Variants in CA10 observed in about 807,000 individuals in gnomAD.
The protein encoded by CA10 is carbonic anhydrase 10 (inactive), also known as carbonic anhydrase-related protein 10.
Under a neutral mutation model 44.2 loss-of-function variants are expected in CA10, and 14 were observed. The ratio of observed to expected loss-of-function variants is 0.32; its 90% CI spans 0.21 to 0.50. CA10 has a LOEUF of 0.50. Among genes scored for constraint, CA10 ranks in the 20% least tolerant of loss-of-function variants. The pLI, the probability that CA10 is intolerant of heterozygous loss-of-function variation, is 0.99. For missense variants in CA10, 350 were observed against 409.7 expected (o/e 0.85, Z 1.26); for synonymous variants, 159 against 141.6 (o/e 1.12, Z -0.87).
intron 1 of CA10, among the ~76,000 whole-genome samples, chr17:52,103,575 G>T (rs147622245): frequency 3.2e-4 from 48 of 152,276 alleles, no homozygotes; most frequent in African/African-American, 1.1e-3. Context: ...TTAAATTAGG[G>T]AAACTCAACA....
chr17:52,028,528 G>A (rs1033582166), intron 2 of CA10, among the ~76,000 whole-genome samples: 1 of 152,144 alleles, frequency 6.6e-6, no homozygotes, highest in Non-Finnish European at 1.5e-5. Context: ...AGTGAGGTAC[G>A]ACTGAAGTTT....
At chr17:52,134,235 C>T (rs1989302028) in intron 1 of CA10, among the ~76,000 whole-genome samples, 1 of 152,216 alleles carries the variant, frequency 6.6e-6, no homozygotes, top group Non-Finnish European at 1.5e-5. Flanking sequence ...TCAACTTCTT[C>T]AAGAAATAAT....
At chr17:51,685,424 C>T (rs1187427327) in intron 4 of CA10, among the ~76,000 whole-genome samples, 1 of 152,144 alleles carries the variant, frequency 6.6e-6, no homozygotes, top group East Asian at 1.9e-4. Flanking sequence ...GTGTCTCCTC[C>T]TACCTCTGCA....
At chr17:51,874,955 T>TC (rs1555607994) in intron 3 of CA10, among the ~76,000 whole-genome samples, 2 of 82,838 alleles carry the variant, frequency 2.4e-5, no homozygotes, top group Admixed American at 2.5e-4. Flanking sequence ...CTTCTGTTTT[T>TC]TTTTCTTTTT....
chr17:51,823,154 G>A (rs1462796197), intron 3 of CA10, among the ~76,000 whole-genome samples: 2 of 152,210 alleles, frequency 1.3e-5, no homozygotes, highest in East Asian at 1.9e-4. Context: ...AGATGAAGAA[G>A]AGGGATCTTT....
chr17:51,846,665 T>C (rs574841347), intron 3 of CA10, among the ~76,000 whole-genome samples: 1 of 152,388 alleles, frequency 6.6e-6, no homozygotes, highest in Admixed American at 6.5e-5. Flanking sequence ...AAGGATGTTT[T>C]ACTCTTTACT....
rs116307779 is a variant in CA10 at position 51,803,789 on chromosome 17, G to A, written c.280-55971C>T. 7.8e-3 allele frequency among the ~76,000 whole-genome samples: 1,185 copies of A among 152,318 alleles called. 18 individuals are homozygous for A. Among genetic ancestry groups the A allele is most frequent in the African/African-American group, 0.027 (1,136 of 41,560 alleles). On this transcript the variant is annotated intron_variant, in intron 3 of 8. Transcript: ENST00000451037. The stretch of plus-strand genomic sequence containing the variant: ...CTTTTCAATGGTTTTCACTTTCACC[G>A]CAGTGAACCTGTAAGTTACTGAGCT...
chr17:52,042,265 T>C (rs1330966166), intron 2 of CA10, among the ~76,000 whole-genome samples: 1 of 151,994 alleles, frequency 6.6e-6, no homozygotes, highest in Admixed American at 6.6e-5. Context: ...TTGTTATCTC[T>C]TGTCTTTTTC....
At chr17:51,959,306 G>A (rs1214461153) in intron 2 of CA10, among the ~76,000 whole-genome samples, 4 of 149,932 alleles carry the variant, frequency 2.7e-5, no homozygotes, top group Non-Finnish European at 5.9e-5. Flanking sequence ...GTGTGTGTGT[G>A]TGTGTGTGTG....
chr17:52,031,937 G>A (rs1221463984), intron 2 of CA10, among the ~76,000 whole-genome samples: 1 of 152,106 alleles, frequency 6.6e-6, no homozygotes, highest in Non-Finnish European at 1.5e-5. Context: ...TTTTAACAGA[G>A]GGACCAAAAT....
At chr17:52,154,870 T>G (rs1220338480) in intron 1 of CA10, among the ~76,000 whole-genome samples, 1 of 152,298 alleles carries the variant, frequency 6.6e-6, no homozygotes, top group East Asian at 1.9e-4. Flanking sequence ...AAATTATTAG[T>G]GCAGAACCAC....
At chr17:52,069,342 G>T (rs948977494) in intron 2 of CA10, among the ~76,000 whole-genome samples, 19 of 152,128 alleles carry the variant, frequency 1.2e-4, no homozygotes, top group African/African-American at 4.3e-4. Flanking sequence ...ACCCTCTGGG[G>T]CTGGTAAGGG....
At chr17:51,876,982 A>G (rs1281239785) in intron 3 of CA10, among the ~76,000 whole-genome samples, 1 of 152,226 alleles carries the variant, frequency 6.6e-6, no homozygotes, top group Non-Finnish European at 1.5e-5. Flanking sequence ...TAGTGCATGC[A>G]GCTCACTAAT....
Position 51,697,307 on chromosome 17 carries a change from C to G in CA10, c.466-43571G>C, listed in dbSNP as rs9895101. 5.0e-3 allele frequency among the ~76,000 whole-genome samples: 763 copies of G among 152,300 alleles called. 8 individuals are homozygous for G. The highest frequency in any genetic ancestry group is 0.018 in the African/African-American group (735 of 41,564). ...TCTGAGCTTATAGCCTAAGATACTCCCCCTACAGCACATTTCTTTCCAGCT... is the reference window on the plus strand; with the variant it reads ...TCTGAGCTTATAGCCTAAGATACTCGCCCTACAGCACATTTCTTTCCAGCT... On this transcript the variant is annotated intron_variant, in intron 4 of 8. Coordinates refer to ENST00000451037, the MANE Select transcript of CA10 (RefSeq NM_020178.5).
At chr17:52,107,786 T>A (rs921849243) in intron 1 of CA10, among the ~76,000 whole-genome samples, 2 of 152,098 alleles carry the variant, frequency 1.3e-5, no homozygotes, top group Non-Finnish European at 2.9e-5. Context: ...GATTACCCAG[T>A]CCCTAGACAC....
intron 3 of CA10, among the ~76,000 whole-genome samples, chr17:51,920,253 C>A (rs1982175094): frequency 6.6e-6 from 1 of 151,856 alleles, no homozygotes; most frequent in Non-Finnish European, 1.5e-5. Context: ...TTCACTCATA[C>A]AGAAAAGAGA....
chr17:52,068,142 A>G (rs1369480837), intron 2 of CA10, among the ~76,000 whole-genome samples: 1 of 152,116 alleles, frequency 6.6e-6, no homozygotes, highest in Non-Finnish European at 1.5e-5. Context: ...TATAATCCCC[A>G]TAATATCCAC....
At chr17:51,977,591 T>A (rs113240459) in intron 2 of CA10, among the ~76,000 whole-genome samples, 3,148 of 152,136 alleles carry the variant, frequency 0.021, 109 homozygotes, top group African/African-American at 0.072. Context: ...ACATAAATGA[T>A]TATAAAATAT....
At chr17:51,716,496 GA>G in intron 4 of CA10, among the ~76,000 whole-genome samples, 1 of 152,270 alleles carries the variant, frequency 6.6e-6, no homozygotes, top group Non-Finnish European at 1.5e-5. Context: ...AAAATGCCAA[GA>G]AGTTCACCCA....
Sources: gnomAD v4.1 joint callset for allele counts (sites outside exome capture counted in the v4.1 genomes callset) on GRCh38, gnomAD v4.1.1 for gene constraint, MANE v1.5 for transcripts, NCBI Gene and HGNC (gene_info 2026-07-23, HGNC 2026-07-21) for gene names.